MTUS2: variants seen among roughly 807,000 people sequenced by gnomAD.
MTUS2 encodes the protein microtubule associated scaffold protein 2.
Under a neutral mutation model 114.1 loss-of-function variants are expected in MTUS2, and 40 were observed. The observed-to-expected ratio is 0.35, with a 90% CI of 0.27 to 0.46. MTUS2 has a LOEUF of 0.46. Ranked by LOEUF, MTUS2 falls within the 20% of genes least tolerant of loss-of-function variation. The probability of loss-of-function intolerance (pLI) is 1.00; values close to 1 mark genes in which losing one functional copy is unlikely to be tolerated. For missense variants in MTUS2, 1,679 were observed against 1,705.4 expected, an observed-to-expected ratio of 0.98 and a Z score of 0.27; for synonymous variants, 688 against 672.0, an observed-to-expected ratio of 1.02 and a Z score of -0.37.
intron 2 of MTUS2, among the ~76,000 whole-genome samples, chr13:29,007,614 CCCT>C (rs558582185): frequency 7.0e-4 from 107 of 152,226 alleles, no homozygotes; most frequent in Admixed American, 2.5e-3. Flanking sequence ...CAAGACCAAC[CCCT>C]CCTCTTTCTC....
chr13:29,122,175 A>G (rs1411456979), intron 5 of MTUS2, among the ~76,000 whole-genome samples: 1 of 152,138 alleles, frequency 6.6e-6, no homozygotes, highest in Non-Finnish European at 1.5e-5. Flanking sequence ...CTAGGTAAGC[A>G]GTTGAAGCTT....
chr13:28,975,233 G>A (rs1884034881), intron 2 of MTUS2, among the ~76,000 whole-genome samples: 2 of 152,218 alleles, frequency 1.3e-5, no homozygotes, highest in Admixed American at 1.3e-4. Context: ...CTAGCAGCCA[G>A]AGCCATCAAA....
chr13:29,080,618 G>A (rs1378739218), intron 4 of MTUS2, among the ~76,000 whole-genome samples: 1 of 152,196 alleles, frequency 6.6e-6, no homozygotes, highest in Non-Finnish European at 1.5e-5. Context: ...CTTTTCTTCT[G>A]TCTGCTTTTA....
At chr13:29,091,630 T>C (rs1458247390) in intron 4 of MTUS2, among the ~76,000 whole-genome samples, 2 of 152,194 alleles carry the variant, frequency 1.3e-5, no homozygotes, top group Admixed American at 1.3e-4. Context: ...ACATAACCAG[T>C]TGTCACAGGG....
intron 4 of MTUS2, among the ~76,000 whole-genome samples, chr13:29,079,494 G>A (rs902884779): frequency 6.6e-6 from 1 of 151,836 alleles, no homozygotes; most frequent in African/African-American, 2.4e-5. Flanking sequence ...TGGCTAATCT[G>A]GTGTCATCAA....
intron 7 of MTUS2, among the ~76,000 whole-genome samples, chr13:29,357,509 A>T (rs1869847744): frequency 6.6e-6 from 1 of 152,206 alleles, no homozygotes; most frequent in Non-Finnish European, 1.5e-5. Flanking sequence ...GGAAAACAGC[A>T]ATTGTGGGGA....
At chr13:28,968,048 C>G (rs1327478412) in intron 2 of MTUS2, among the ~76,000 whole-genome samples, 1 of 152,114 alleles carries the variant, frequency 6.6e-6, no homozygotes, top group Admixed American at 6.6e-5. Flanking sequence ...CAGAGATATA[C>G]CTGCTAACAT....
intron 14 of MTUS2, 137 bp downstream of exon 14, chr13:29,498,674 C>A: frequency 1.6e-6 from 2 of 1,218,562 alleles, no homozygotes; most frequent in Admixed American, 4.9e-5. Context: ...AATCCCACAG[C>A]TGGCCTTTCC....
chr13:28,988,438 A>G (rs1181347762), intron 2 of MTUS2, among the ~76,000 whole-genome samples: 1 of 152,222 alleles, frequency 6.6e-6, no homozygotes, highest in African/African-American at 2.4e-5. Context: ...AGTCATACTC[A>G]TTAGTGATAA....
chr13:29,415,329 A>G (rs9506181), intron 8 of MTUS2, among the ~76,000 whole-genome samples: 29,278 of 152,162 alleles, frequency 0.19, 3,030 homozygotes, highest in Middle Eastern at 0.26. Context: ...TTCTTAATCC[A>G]CTTTATCCAT....
At chr13:29,043,808 A>G (rs1173171205) in intron 4 of MTUS2, among the ~76,000 whole-genome samples, 2 of 151,956 alleles carry the variant, frequency 1.3e-5, no homozygotes, top group African/African-American at 4.8e-5. Context: ...CAGATAAACA[A>G]TTAGCTAGAA....
intron 5 of MTUS2, among the ~76,000 whole-genome samples, chr13:29,106,614 C>T (rs1666050324): frequency 6.6e-6 from 1 of 152,176 alleles, no homozygotes; most frequent in African/African-American, 2.4e-5. Flanking sequence ...CTCGGCCTCC[C>T]AAAGTGCTGG....
chr13:28,879,429 G>C (rs1409017397), intron 2 of MTUS2, among the ~76,000 whole-genome samples: 1 of 152,128 alleles, frequency 6.6e-6, no homozygotes, highest in Non-Finnish European at 1.5e-5. Context: ...TGAACGTAAG[G>C]TCATAGTATG....
intron 2 of MTUS2, among the ~76,000 whole-genome samples, chr13:28,847,452 G>T (rs1450438821): frequency 6.6e-6 from 1 of 152,016 alleles, no homozygotes; most frequent in African/African-American, 2.4e-5. Flanking sequence ...CTAGAAATGG[G>T]GCTCAGTGGG....
At chr13:28,986,201 C>T (rs902536994) in intron 2 of MTUS2, among the ~76,000 whole-genome samples, 3 of 151,802 alleles carry the variant, frequency 2.0e-5, no homozygotes, top group Admixed American at 6.6e-5. Flanking sequence ...GCCTTGGGAG[C>T]GGGCATAGAT....
chr13:29,113,657 G>C (rs1352274227), intron 5 of MTUS2, among the ~76,000 whole-genome samples: 2 of 152,092 alleles, frequency 1.3e-5, no homozygotes, highest in East Asian at 3.9e-4. Context: ...TTCTAGACTG[G>C]ATTATCGGTT....
intron 5 of MTUS2, among the ~76,000 whole-genome samples, chr13:29,199,422 G>T (rs1593591812): frequency 6.6e-6 from 1 of 152,114 alleles, no homozygotes; most frequent in East Asian, 1.9e-4. Flanking sequence ...TTTATCAAAG[G>T]CCTTTTCTGC....
chr13:29,241,677 C>G (rs578193295), intron 5 of MTUS2, among the ~76,000 whole-genome samples: 45 of 152,324 alleles, frequency 3.0e-4, no homozygotes, highest in African/African-American at 1.0e-3. Flanking sequence ...TCAAGGGTTT[C>G]TTGGACAAGA....
chr13:28,844,432 T>C (rs1289915261), intron 2 of MTUS2, among the ~76,000 whole-genome samples: 1 of 151,928 alleles, frequency 6.6e-6, no homozygotes, highest in African/African-American at 2.4e-5. Context: ...TGTGTGCGTG[T>C]GTGTGTATTT....
Sources: gnomAD v4.1 joint callset for allele counts (sites outside exome capture counted in the v4.1 genomes callset) on GRCh38, gnomAD v4.1.1 for gene constraint, MANE v1.5 for transcripts, NCBI Gene and HGNC (gene_info 2026-07-23, HGNC 2026-07-21) for gene names.